BRF1: variants seen among roughly 807,000 people sequenced by gnomAD.
BRF1 encodes the protein transcription factor IIIB 90 kDa subunit.
A neutral mutation model predicts 81.7 loss-of-function variants in BRF1; 59 were observed. The observed-to-expected ratio is 0.72, with a 90% confidence interval of 0.59 to 0.90. The LOEUF is 0.90. Ranked by LOEUF, BRF1 falls within the 40% of genes least tolerant of loss-of-function variation. The pLI is 0.00. For missense variants in BRF1, 1,050 were observed against 936.3 expected, an observed-to-expected ratio of 1.12 and a Z score of -1.58; for synonymous variants, 491 against 395.6, an observed-to-expected ratio of 1.24 and a Z score of -2.86.
chr14:105,246,992 T>C, intron 5 of BRF1: 1 of 985,482 alleles, frequency 1.0e-6, no homozygotes, highest in East Asian at 1.1e-4. Flanking sequence ...CTGCTGATCC[T>C]TTCTGTTGCT....
In BRF1 at chr14:105,300,481, C is replaced by T; in HGVS notation, c.149G>A (p.Gly50Asp). ...CACGAACTGGCCCACGGCCGAGGAG[C>T]CGCCGCCGCTGCTCTCCACGAACTG... ...EVQFVESSGG[G>D]SSAVGQFVSL... The change falls in exon 1 of 18, where the codon GGC becomes GAC. Residue 50 changes from glycine to aspartate, a missense_variant. This residue lies in a region of BRF1 where 1,043 missense variants were observed against 915.4 expected (regional missense o/e 1.14). Coordinates refer to ENST00000547530, the MANE Select transcript of BRF1 (RefSeq NM_001519.4). The T allele has an allele frequency of 6.5e-7, 1 of 1,534,514 alleles. No individual in the cohort carries two copies. Among genetic ancestry groups the T allele is most frequent in the East Asian group, 2.5e-5 (1 of 39,982 alleles).
intron 10 of BRF1, 195 bp from the exon 11 acceptor site, chr14:105,222,109 A>C: frequency 1.7e-6 from 1 of 598,604 alleles, no homozygotes; most frequent in Admixed American, 3.9e-5. Context: ...AAAGCAGATC[A>C]CAGACCTAGG....
chr14:105,229,270 G>C (rs1268482075), intron 6 of BRF1, among the ~76,000 whole-genome samples: 2 of 152,266 alleles, frequency 1.3e-5, no homozygotes, highest in East Asian at 1.9e-4. Context: ...AGCCAGGCTG[G>C]GCAGGAAAGG....
At chr14:105,219,757 A>G (rs1278314339) in intron 12 of BRF1, 2 of 492,524 alleles carry the variant, frequency 4.1e-6, no homozygotes, top group East Asian at 3.5e-5. Context: ...TCTTGTGTCT[A>G]GAGACCCCTC....
Position 105,272,731 on chromosome 14 carries a change from C to T in BRF1, c.429G>A (p.Glu143=). 6.2e-7 allele frequency: 1 copy of T among 1,609,848 alleles called. No homozygotes were observed. The highest frequency in any genetic ancestry group is 8.5e-7 in the Non-Finnish European group (1 of 1,176,882). The part of the protein sequence containing the change: ...AACLYLVCRT[E]GTPHMLLDLS... ...CAAACCAAAGGATACGCGGCGTGCC[C>T]TCCGTACGGCAGACCAGGTAGAGGC... The change falls in exon 3 of 18, where the codon GAG becomes GAA. Residue 143 remains glutamate, a synonymous_variant. Transcript: ENST00000547530.
At chr14:105,255,619 G>A (rs1269531582) in intron 4 of BRF1, among the ~76,000 whole-genome samples, 1 of 152,168 alleles carries the variant, frequency 6.6e-6, no homozygotes, top group Non-Finnish European at 1.5e-5. Context: ...GGTCACCAAG[G>A]ACCTGTGGTG....
At chr14:105,218,221 C>CA (rs1459081959) in intron 14 of BRF1, among the ~76,000 whole-genome samples, 2 of 152,224 alleles carry the variant, frequency 1.3e-5, no homozygotes, top group Non-Finnish European at 2.9e-5. Context: ...CTGCCCACGT[C>CA]AAAGGCCCCA....
At chr14:105,250,732 C>A in intron 5 of BRF1, 2 of 1,489,954 alleles carry the variant, frequency 1.3e-6, no homozygotes, top group Non-Finnish European at 1.8e-6. Flanking sequence ...AAGATGCTAA[C>A]TGCTTCTTGA....
intron 3 of BRF1, among the ~76,000 whole-genome samples, chr14:105,258,788 G>C (rs1396809241): frequency 6.6e-6 from 1 of 151,722 alleles, no homozygotes; most frequent in East Asian, 1.9e-4. Context: ...AACAGAGCGA[G>C]ACTCAGTCTC....
chr14:105,288,759 G>A (rs929671196), intron 1 of BRF1, among the ~76,000 whole-genome samples: 3 of 149,700 alleles, frequency 2.0e-5, no homozygotes, highest in Non-Finnish European at 4.4e-5. Context: ...TCAGCCTCCC[G>A]AGTAGCTGGG....
Position 105,284,241 on chromosome 14 carries a change from C to T in BRF1, c.265+2055G>A, listed in dbSNP as rs1238458103. Among the ~76,000 whole-genome samples, 1 of 152,210 alleles carries T rather than the reference C, an allele frequency of 6.6e-6. No individual in the cohort carries two copies. The highest frequency in any genetic ancestry group is 1.5e-5 in the Non-Finnish European group (1 of 68,044). ...GAAATCACACAGAGGGTGCTCTCTA[C>T]TGCAGAAGAATCACACCGGCAGTCA... On this transcript the variant is annotated intron_variant, in intron 2 of 17. Coordinates refer to ENST00000547530, the MANE Select transcript of BRF1 (RefSeq NM_001519.4). The surrounding 1 kb of genome is among the most constrained non-coding windows in gnomAD (Gnocchi z 4.0).
intron 14 of BRF1, among the ~76,000 whole-genome samples, chr14:105,218,605 G>GC (rs1437979992): frequency 6.6e-6 from 1 of 152,212 alleles, no homozygotes; most frequent in Non-Finnish European, 1.5e-5. Flanking sequence ...GAGTAAGCTG[G>GC]CAGAGCAAGT....
chr14:105,283,617 A>G (rs587691632), intron 2 of BRF1, among the ~76,000 whole-genome samples: 4 of 152,328 alleles, frequency 2.6e-5, no homozygotes, highest in Admixed American at 1.3e-4. Context: ...AGGCTTTTGA[A>G]AAGGTAAGAT....
chr14:105,220,703 C>T (rs1566805386), intron 11 of BRF1, among the ~76,000 whole-genome samples: 1 of 152,228 alleles, frequency 6.6e-6, no homozygotes, highest in Non-Finnish European at 1.5e-5. Context: ...TTGGGACAGC[C>T]TCTCCTTGCC....
intron 15 of BRF1, 91 bp from the exon 16 acceptor site, chr14:105,212,255 GTTAA>G: frequency 6.7e-7 from 1 of 1,493,594 alleles, no homozygotes; most frequent in Non-Finnish European, 9.0e-7. Flanking sequence ...CTTTCCCAGT[GTTAA>G]TTGACTGTTT....
chr14:105,241,587 T>C (rs2141671042), intron 5 of BRF1, 173 bp from the exon 6 acceptor site: 2 of 855,968 alleles, frequency 2.3e-6, no homozygotes, highest in East Asian at 5.4e-5. Flanking sequence ...AGGGCAGCCA[T>C]CGCACCGAAC....
rs587757182 is a variant in BRF1, at chr14:105,287,495, G to A, written c.185-1119C>T. On this transcript the variant is annotated intron_variant, in intron 1 of 17. Transcript: ENST00000547530. ...ACAAAGCACAGACACAGGACTGGAG[G>A]CTGCTGCAATCGGGACGCGCAGACA... Among the ~76,000 whole-genome samples the A allele has an allele frequency of 2.6e-3, 375 of 143,172 alleles. 3 individuals are homozygous for A. Among genetic ancestry groups the A allele is most frequent in the African/African-American group, 9.5e-3 (366 of 38,518 alleles). The allele number at this position is 143,172 out of a possible 152,430, so 93.9% of individuals were successfully genotyped here.
intron 5 of BRF1, 128 bp downstream of exon 5, chr14:105,252,379 A>C (rs1164261455): frequency 7.0e-7 from 1 of 1,437,618 alleles, no homozygotes; most frequent in Non-Finnish European, 9.1e-7. Context: ...AGCAGCTTTA[A>C]GAAACATTTC....
chr14:105,262,424 C>T (rs2056201582), intron 3 of BRF1, among the ~76,000 whole-genome samples: 1 of 152,174 alleles, frequency 6.6e-6, no homozygotes, highest in Non-Finnish European at 1.5e-5. Flanking sequence ...AGGGAAGAGC[C>T]AGTGGGTCAT....
Sources: allele counts gnomAD v4.1 joint callset (sites outside exome capture counted in the v4.1 genomes callset), GRCh38; gene constraint gnomAD v4.1.1; regional missense constraint gnomAD v4.1.1; non-coding constraint Gnocchi (gnomAD v3.1); transcripts MANE v1.5; gene names NCBI Gene and HGNC (gene_info 2026-07-23, HGNC 2026-07-21).